The following RIMS2 variants were observed in gnomAD, a reference collection of about 807,000 sequenced individuals.
The protein encoded by RIMS2 is regulating synaptic membrane exocytosis 2.
Under a neutral mutation model 174.4 loss-of-function variants are expected in RIMS2, and 59 were observed. The ratio of observed to expected loss-of-function variants is 0.34; its 90% CI spans 0.27 to 0.42. The LOEUF is 0.42. RIMS2 is among the 10% of genes least tolerant of loss of function. The pLI, the probability that RIMS2 is intolerant of heterozygous loss-of-function variation, is 1.00. For missense variants in RIMS2, 1,620 were observed against 1,666.3 expected (o/e 0.97, Z 0.48); for synonymous variants, 606 against 572.5 (o/e 1.06, Z -0.84).
At chr8:104,067,950 C>T (rs2097133398) in intron 19 of RIMS2, among the ~76,000 whole-genome samples, 2 of 152,072 alleles carry the variant, frequency 1.3e-5, no homozygotes, top group South Asian at 4.1e-4. Context: ...ATGCTATCAG[C>T]AGTATTATTA....
intron 2 of RIMS2, among the ~76,000 whole-genome samples, chr8:103,730,278 A>G (rs2097574858): frequency 6.7e-6 from 1 of 148,924 alleles, no homozygotes; most frequent in Non-Finnish European, 1.5e-5. Context: ...ATATATTTGC[A>G]ATTGTTATAT....
chr8:103,621,043 A>T (rs2095622464), intron 1 of RIMS2, among the ~76,000 whole-genome samples: 1 of 152,368 alleles, frequency 6.6e-6, no homozygotes, highest in South Asian at 2.1e-4. Context: ...TAAATTGAAA[A>T]ACATAGCCAA....
intron 1 of RIMS2, among the ~76,000 whole-genome samples, chr8:103,515,429 A>G (rs1157407525): frequency 1.3e-5 from 2 of 152,204 alleles, no homozygotes; most frequent in Non-Finnish European, 2.9e-5. Context: ...AGATCTGTAC[A>G]GTGAGAATCA....
chr8:103,999,366 C>T (rs2095285475), intron 17 of RIMS2, among the ~76,000 whole-genome samples: 1 of 151,516 alleles, frequency 6.6e-6, no homozygotes, highest in Non-Finnish European at 1.5e-5. Flanking sequence ...TAGTGCCTTC[C>T]AGTTTATTAT....
At chr8:103,794,159 A>G (rs1157481847) in intron 3 of RIMS2, among the ~76,000 whole-genome samples, 2 of 152,234 alleles carry the variant, frequency 1.3e-5, no homozygotes, top group African/African-American at 4.8e-5. Flanking sequence ...AGCTGGCAGC[A>G]TCACACTACC....
intron 19 of RIMS2, among the ~76,000 whole-genome samples, chr8:104,229,136 A>G (rs922257117): frequency 4.6e-4 from 70 of 152,314 alleles, no homozygotes; most frequent in African/African-American, 1.5e-3. Context: ...AACAGGAATT[A>G]GTTTCCCTGT....
At chr8:103,835,799 A>G (rs573255365) in intron 3 of RIMS2, among the ~76,000 whole-genome samples, 1 of 152,326 alleles carries the variant, frequency 6.6e-6, no homozygotes, top group Non-Finnish European at 1.5e-5. Context: ...CTGATTTGGA[A>G]CTGTATGTCC....
chr8:103,727,692 A>G (rs1407296798), intron 2 of RIMS2, among the ~76,000 whole-genome samples: 2 of 152,106 alleles, frequency 1.3e-5, no homozygotes, highest in Non-Finnish European at 2.9e-5. Flanking sequence ...TATTGAGGAG[A>G]CTGACATTTT....
At chr8:103,910,071 T>C in intron 4 of RIMS2, 1 of 964,058 alleles carries the variant, frequency 1.0e-6, no homozygotes, top group Non-Finnish European at 1.6e-6. Flanking sequence ...ATGTTTATAA[T>C]GTCTCTGTCT....
At chr8:103,847,904 C>A (rs1290652691) in intron 3 of RIMS2, among the ~76,000 whole-genome samples, 1 of 151,972 alleles carries the variant, frequency 6.6e-6, no homozygotes, top group East Asian at 1.9e-4. Context: ...TTGGTGAGGA[C>A]AGAGACCAGC....
At chr8:103,786,140 G>T (rs1048696351) in intron 3 of RIMS2, among the ~76,000 whole-genome samples, 2 of 151,914 alleles carry the variant, frequency 1.3e-5, no homozygotes, top group African/African-American at 4.8e-5. Flanking sequence ...TTTTTATTGC[G>T]TCTATTTGAT....
At chr8:103,839,825 T>C (rs1197147786) in intron 3 of RIMS2, among the ~76,000 whole-genome samples, 2 of 152,198 alleles carry the variant, frequency 1.3e-5, no homozygotes, top group Non-Finnish European at 2.9e-5. Context: ...CTGCAGTTCA[T>C]TACTAAAAGA....
At chr8:103,925,044 T>C (rs926509753) in intron 10 of RIMS2, among the ~76,000 whole-genome samples, 1 of 151,640 alleles carries the variant, frequency 6.6e-6, no homozygotes, top group Non-Finnish European at 1.5e-5. Context: ...TTTCCTTCTG[T>C]GGATTACTTT....
At chr8:104,016,311 A>G (rs1004569593) in intron 19 of RIMS2, among the ~76,000 whole-genome samples, 2 of 152,072 alleles carry the variant, frequency 1.3e-5, no homozygotes, top group Non-Finnish European at 2.9e-5. Flanking sequence ...CATTATATAT[A>G]TGTTTATATT....
intron 16 of RIMS2, among the ~76,000 whole-genome samples, chr8:103,977,983 C>T (rs970179588): frequency 2.0e-5 from 3 of 152,264 alleles, no homozygotes; most frequent in Non-Finnish European, 1.5e-5. Flanking sequence ...CTGAAAGTTC[C>T]AGCCCTGTAA....
intron 19 of RIMS2, among the ~76,000 whole-genome samples, chr8:104,016,277 A>G (rs1467932314): frequency 6.6e-6 from 1 of 152,122 alleles, no homozygotes; most frequent in South Asian, 2.1e-4. Flanking sequence ...AATAGTATAC[A>G]AAGTACCACT....
intron 19 of RIMS2, among the ~76,000 whole-genome samples, chr8:104,115,541 A>G (rs2098265870): frequency 6.6e-6 from 1 of 152,214 alleles, no homozygotes; most frequent in Non-Finnish European, 1.5e-5. Flanking sequence ...GAAATAGGAA[A>G]GTGAACATAG....
chr8:103,808,116 G>T (rs760072412), intron 3 of RIMS2, among the ~76,000 whole-genome samples: 6 of 152,114 alleles, frequency 3.9e-5, no homozygotes, highest in African/African-American at 1.4e-4. Flanking sequence ...CAGGCCAAAA[G>T]AGCTATTTTC....
intron 1 of RIMS2, among the ~76,000 whole-genome samples, chr8:103,578,423 C>T (rs1048171586): frequency 6.6e-5 from 10 of 151,954 alleles, no homozygotes; most frequent in East Asian, 1.9e-4. Flanking sequence ...CCCAGCTACT[C>T]GGGAGACTGA....
Sources: allele counts gnomAD v4.1 joint callset (sites outside exome capture counted in the v4.1 genomes callset), GRCh38; gene constraint gnomAD v4.1.1; transcripts MANE v1.5; gene names NCBI Gene and HGNC (gene_info 2026-07-23, HGNC 2026-07-21).